MICU3: variants seen among roughly 807,000 people sequenced by gnomAD.
The protein encoded by MICU3 is calcium uptake protein 3, mitochondrial.
A neutral mutation model predicts 66.5 loss-of-function variants in MICU3; 62 were observed. The ratio of observed to expected loss-of-function variants is 0.93; its 90% confidence interval spans 0.76 to 1.15. The LOEUF (loss-of-function observed/expected upper bound fraction) is 1.15. Ranked by LOEUF, MICU3 falls within the 50% of genes most tolerant of loss-of-function variation. MICU3 has a pLI of 0.00. For synonymous variants in MICU3, 308 were observed against 240.7 expected (o/e 1.28, Z -2.59); for missense variants, 779 against 664.4 (o/e 1.17, Z -1.90).
intron 1 of MICU3, among the ~76,000 whole-genome samples, chr8:17,042,303 G>C (rs1169467500): frequency 6.6e-6 from 1 of 152,116 alleles, no homozygotes; most frequent in Non-Finnish European, 1.5e-5. Flanking sequence ...GATAATATTA[G>C]ATCTCACTGC....
chr8:17,077,082 T>C (rs1820488402), intron 3 of MICU3, among the ~76,000 whole-genome samples: 10 of 152,234 alleles, frequency 6.6e-5, no homozygotes, highest in Admixed American at 6.5e-4. Flanking sequence ...GATTCAAATG[T>C]CTAAATTCTC....
chr8:17,085,101 A>G, intron 5 of MICU3, 135 bp from the exon 6 acceptor site: 1 of 487,484 alleles, frequency 2.1e-6, no homozygotes, highest in Non-Finnish European at 3.6e-6. Flanking sequence ...ATAAAGCAGA[A>G]ATATATATAC....
rs17124053 is a variant in MICU3 at position 17,053,496 on chromosome 8, T to C, written c.382-10588T>C. Among the ~76,000 whole-genome samples the C allele has an allele frequency of 5.8e-3, 886 of 152,298 alleles. 10 individuals carry two copies. Among genetic ancestry groups the C allele is most frequent in the African/African-American group, 0.02 (849 of 41,580 alleles). On this transcript the variant is annotated intron_variant, in intron 1 of 14. Coordinates refer to ENST00000318063, the MANE Select transcript of MICU3 (RefSeq NM_181723.3). ...GCCCTAGCCTCACTACCTTAACAAG[T>C]AACATCTAAGTAAGGTTGCAAAGGT...
chr8:17,133,266 C>T, the MICU3 span, among the ~76,000 whole-genome samples: 1 of 152,098 alleles, frequency 6.6e-6, no homozygotes, highest in Non-Finnish European at 1.5e-5. Flanking sequence ...GAGGATTAGT[C>T]CAATCAAACT....
intron 13 of MICU3, among the ~76,000 whole-genome samples, chr8:17,117,532 G>T (rs1802799409): frequency 6.6e-6 from 1 of 150,508 alleles, no homozygotes; most frequent in South Asian, 2.1e-4. Context: ...TAGAAAAAGA[G>T]AAAAAATGTT....
chr8:17,116,505 A>T lies in MICU3; in HGVS notation c.1429A>T (p.Thr477Ser). Residue 477 changes from threonine (T) to serine (S), a missense_variant, in exon 13 of 15, where the codon ACT (threonine) becomes TCT (serine). Thr to Ser is a moderately conservative substitution (Grantham distance 58). Transcript: ENST00000318063. ...CAAATTTTCACCACATTTAGTGAAC[A>T]CTGTCTTCAAGATTTTTGATGTTGA... ...GLKFSPHLVN[T>S]VFKIFDVDKD... The T allele has an allele frequency of 6.4e-7, 1 of 1,566,216 alleles. No individual in the cohort carries two copies. Among genetic ancestry groups the T allele is most frequent in the Non-Finnish European group, 8.6e-7 (1 of 1,162,844 alleles).
chr8:17,080,754 A>G (rs564785054), intron 4 of MICU3, among the ~76,000 whole-genome samples: 2 of 152,134 alleles, frequency 1.3e-5, no homozygotes, highest in African/African-American at 4.8e-5. Context: ...TCTCTGACAA[A>G]CTGCCTGACA....
chr8:17,067,430 A>AT (rs148975949), intron 2 of MICU3, among the ~76,000 whole-genome samples: 6,158 of 146,406 alleles, frequency 0.042, 171 homozygotes, highest in Non-Finnish European at 0.062. Flanking sequence ...CATAGCCATG[A>AT]TTTTTTTTTT....
intron 11 of MICU3, among the ~76,000 whole-genome samples, chr8:17,111,677 T>A (rs1802216489): frequency 6.6e-6 from 1 of 152,228 alleles, no homozygotes; most frequent in African/African-American, 2.4e-5. Flanking sequence ...TTGATCTGTT[T>A]TGAATTAGTT....
At chr8:17,043,171 C>T (rs1464173000) in intron 1 of MICU3, among the ~76,000 whole-genome samples, 1 of 151,730 alleles carries the variant, frequency 6.6e-6, no homozygotes, top group Non-Finnish European at 1.5e-5. Flanking sequence ...GATCTCCTGA[C>T]CTCGTGATCC....
At chr8:17,036,557 A>G (rs1453439429) in intron 1 of MICU3, among the ~76,000 whole-genome samples, 5 of 152,092 alleles carry the variant, frequency 3.3e-5, no homozygotes, top group Admixed American at 3.3e-4. Flanking sequence ...CCACATCCCC[A>G]TCAGATTAGT....
At chr8:17,041,349 A>G (rs1814052716) in intron 1 of MICU3, among the ~76,000 whole-genome samples, 1 of 152,214 alleles carries the variant, frequency 6.6e-6, no homozygotes, top group Non-Finnish European at 1.5e-5. Context: ...GCAGTCAGTT[A>G]TACTGAAAGC....
intron 8 of MICU3, among the ~76,000 whole-genome samples, chr8:17,092,153 C>T (rs141900052): frequency 6.6e-6 from 1 of 151,874 alleles, no homozygotes; most frequent in Admixed American, 6.6e-5. Context: ...TGGGATTACA[C>T]GCGTGAGCTA....
At chr8:17,065,085 G>A (rs747525511) in intron 2 of MICU3, among the ~76,000 whole-genome samples, 4 of 152,140 alleles carry the variant, frequency 2.6e-5, no homozygotes, top group Admixed American at 6.5e-5. Context: ...AAAGGATACA[G>A]TGTATTTTTT....
At chr8:17,112,650 G>A (rs1356528879) in intron 11 of MICU3, among the ~76,000 whole-genome samples, 1 of 152,212 alleles carries the variant, frequency 6.6e-6, no homozygotes. Context: ...AAGTTCAGAT[G>A]TTGAACATTA....
At chr8:17,030,841 G>C (rs1811900395) in intron 1 of MICU3, among the ~76,000 whole-genome samples, 1 of 152,048 alleles carries the variant, frequency 6.6e-6, no homozygotes, top group Admixed American at 6.5e-5. Flanking sequence ...TTTGGTCTCT[G>C]CAGAACTCAG....
rs1254981452 is a variant in MICU3, at chr8:17,121,960, G to T, written c.*1673G>T. 6.6e-6 allele frequency: 1 copy of T among 151,392 alleles called. No individual in the cohort carries two copies. The highest frequency in any genetic ancestry group is 1.5e-5 in the Non-Finnish European group (1 of 67,624). The allele number at this position is 151,392 out of a possible 1,614,324, so 9.4% of individuals were successfully genotyped here. ...CACTGAATGTTCTTAATATGATTTG[G>T]TACCTAAAGTAATTGAAAAAAATGC... is the stretch of plus-strand genomic sequence containing the variant. On this transcript the variant is annotated 3_prime_UTR_variant, in exon 15 of 15. Transcript: ENST00000318063.
chr8:17,117,271 C>G (rs1245570366), intron 13 of MICU3, among the ~76,000 whole-genome samples: 3 of 152,156 alleles, frequency 2.0e-5, no homozygotes, highest in Admixed American at 2.0e-4. Context: ...AACCACCACA[C>G]CTGGCCACTA....
chr8:17,085,222 G>GT lies in MICU3; in HGVS notation c.695-8dup. On this transcript the variant is annotated splice_polypyrimidine_tract_variant and intron_variant, in intron 5 of 14. Coordinates refer to ENST00000318063, the MANE Select transcript of MICU3 (RefSeq NM_181723.3). The stretch of plus-strand genomic sequence containing the variant: ...TTTCCATTTTGTGAATACCTTCTCT[G>GT]TTTTTTCTGGCAGAGCCACATGCAG... The GT allele has an allele frequency of 3.8e-6, 6 of 1,586,000 alleles. No individual in the cohort carries two copies. Among genetic ancestry groups the GT allele is most frequent in the Non-Finnish European group, 5.2e-6 (6 of 1,163,674 alleles).
Sources: gnomAD v4.1 joint callset for allele counts (sites outside exome capture counted in the v4.1 genomes callset) on GRCh38, gnomAD v4.1.1 for gene constraint, MANE v1.5 for transcripts, NCBI Gene and HGNC (gene_info 2026-07-23, HGNC 2026-07-21) for gene names.